COL22A1: variants seen among roughly 807,000 people sequenced by gnomAD.
The protein encoded by COL22A1 is collagen alpha-1(XXII) chain.
A neutral mutation model predicts 248.9 loss-of-function variants in COL22A1; 221 were observed. That is an observed-to-expected ratio of 0.89 (90% CI 0.80 to 0.99). The LOEUF is 0.99. Among genes scored for constraint, COL22A1 ranks in the 50% least tolerant of loss-of-function variants. COL22A1 has a pLI of 0.00. For synonymous variants in COL22A1, 891 were observed against 793.4 expected (o/e 1.12, Z -2.07); for missense variants, 2,240 against 2,179.0 (o/e 1.03, Z -0.56).
intron 23 of COL22A1, among the ~76,000 whole-genome samples, chr8:138,728,752 C>A (rs189719785): frequency 6.6e-6 from 1 of 152,236 alleles, no homozygotes; most frequent in Admixed American, 6.5e-5. Flanking sequence ...CAGCCATCAT[C>A]TCTGGCTGCT....
chr8:138,899,784 A>T (rs2132150162), intron 1 of COL22A1, among the ~76,000 whole-genome samples: 1 of 152,298 alleles, frequency 6.6e-6, no homozygotes, highest in Admixed American at 6.5e-5. Flanking sequence ...TCTGCCTCCC[A>T]AAATGCTAGG....
intron 26 of COL22A1, among the ~76,000 whole-genome samples, chr8:138,721,043 T>G (rs1438427954): frequency 6.6e-6 from 1 of 152,164 alleles, no homozygotes; most frequent in East Asian, 1.9e-4. Flanking sequence ...TCTCTCTTAT[T>G]GAGAGATTTA....
At chr8:138,896,843 A>G (rs1825450613) in intron 1 of COL22A1, among the ~76,000 whole-genome samples, 1 of 152,052 alleles carries the variant, frequency 6.6e-6, no homozygotes, top group Admixed American at 6.6e-5. Flanking sequence ...CGTGGTGGTG[A>G]GTGCCTGTAA....
At chr8:138,694,011 TCCTACCATAG>T (rs1286368512) in intron 34 of COL22A1, among the ~76,000 whole-genome samples, 1 of 152,016 alleles carries the variant, frequency 6.6e-6, no homozygotes, top group Non-Finnish European at 1.5e-5. Flanking sequence ...CAGCAGGATC[TCCTACCATAG>T]CACAGAGTCT....
chr8:138,816,161 A>T (rs1818673058), intron 7 of COL22A1, among the ~76,000 whole-genome samples: 1 of 152,206 alleles, frequency 6.6e-6, no homozygotes, highest in Non-Finnish European at 1.5e-5. Context: ...CCGCAGGGAC[A>T]GGGAAGGAGA....
At chr8:138,743,087 G>A (rs1388419195) in intron 22 of COL22A1, among the ~76,000 whole-genome samples, 5 of 150,454 alleles carry the variant, frequency 3.3e-5, no homozygotes, top group African/African-American at 1.2e-4. Context: ...GATGGTGATG[G>A]TGATGGTGGA....
chr8:138,748,599 A>C, intron 22 of COL22A1, among the ~76,000 whole-genome samples: 1 of 152,098 alleles, frequency 6.6e-6, no homozygotes, highest in East Asian at 1.9e-4. Context: ...TAAACACCAT[A>C]TCCTACCCCT....
chr8:138,720,217 G>A (rs1206865519), intron 27 of COL22A1, among the ~76,000 whole-genome samples: 4 of 152,118 alleles, frequency 2.6e-5, no homozygotes, highest in Non-Finnish European at 4.4e-5. Flanking sequence ...AAGCTGGCCC[G>A]AGAAGGCTGA....
At chr8:138,863,126 C>G (rs945459401) in intron 3 of COL22A1, among the ~76,000 whole-genome samples, 1 of 152,122 alleles carries the variant, frequency 6.6e-6, no homozygotes, top group Non-Finnish European at 1.5e-5. Context: ...CTCTGCTAGC[C>G]CAGACTTTTA....
chr8:138,784,215 T>C (rs1815296648), intron 12 of COL22A1, among the ~76,000 whole-genome samples: 1 of 152,212 alleles, frequency 6.6e-6, no homozygotes. Flanking sequence ...GGAGACATGC[T>C]CATTCCAGGA....
At chr8:138,899,062 C>A (rs901248789) in intron 1 of COL22A1, among the ~76,000 whole-genome samples, 28 of 152,212 alleles carry the variant, frequency 1.8e-4, no homozygotes, top group Admixed American at 3.9e-4. Context: ...GTGACTTGCT[C>A]ACATCAATCC....
intron 1 of COL22A1, among the ~76,000 whole-genome samples, chr8:138,906,483 T>A (rs1173209416): frequency 1.3e-5 from 2 of 152,170 alleles, no homozygotes; most frequent in South Asian, 2.1e-4. Flanking sequence ...CAGAGCAGTA[T>A]CATGTATCAG....
chr8:138,620,801 A>AGAGTC (rs1034066623), intron 52 of COL22A1, among the ~76,000 whole-genome samples: 1 of 152,248 alleles, frequency 6.6e-6, no homozygotes, highest in Non-Finnish European at 1.5e-5. Flanking sequence ...TTTTGGTTCC[A>AGAGTC]GAGTCTGCAC....
Position 138,693,629 on chromosome 8 carries a change from C to CG in COL22A1, c.2754+16dup. The CG allele has an allele frequency of 6.4e-7, 1 of 1,574,246 alleles. No individual in the cohort carries two copies. Reference sequence around the variant, plus strand: ...TCCGGGGCTCCCCCACGAGGCAGGCCGATCATAGGGACTCACGGGGTTTCC... The same window carrying CG: ...TCCGGGGCTCCCCCACGAGGCAGGCCGGATCATAGGGACTCACGGGGTTTCC... On this transcript the variant is annotated intron_variant, in intron 35 of 64. Coordinates refer to ENST00000303045, the MANE Select transcript of COL22A1 (RefSeq NM_152888.3).
At chr8:138,778,313 A>C in intron 15 of COL22A1, 40 bp downstream of exon 15, 1 of 1,610,132 alleles carries the variant, frequency 6.2e-7, no homozygotes, top group South Asian at 1.1e-5. Context: ...ATTCCTGGAG[A>C]AGGGGTAGAA....
At chr8:138,615,067 C>T (rs958144621) in intron 55 of COL22A1, among the ~76,000 whole-genome samples, 4 of 152,188 alleles carry the variant, frequency 2.6e-5, no homozygotes, top group African/African-American at 9.7e-5. Context: ...ACACGTCCAG[C>T]CACCCTGCAG....
chr8:138,898,765 G>A (rs1375547689), intron 1 of COL22A1, among the ~76,000 whole-genome samples: 1 of 152,058 alleles, frequency 6.6e-6, no homozygotes, highest in African/African-American at 2.4e-5. Context: ...CACACTGCAG[G>A]TCTGCCAATA....
chr8:138,879,176 G>A (rs76486895), intron 2 of COL22A1, among the ~76,000 whole-genome samples: 8,884 of 152,176 alleles, frequency 0.058, 309 homozygotes, highest in Middle Eastern at 0.078. Flanking sequence ...TACATACGCT[G>A]TTCTCCCTGC....
chr8:138,790,548 C>T (rs1185245172), intron 12 of COL22A1, among the ~76,000 whole-genome samples: 1 of 152,230 alleles, frequency 6.6e-6, no homozygotes, highest in Non-Finnish European at 1.5e-5. Flanking sequence ...TCCTCCCGCT[C>T]TGCAGTCCAA....
Sources: gnomAD v4.1 joint callset for allele counts (sites outside exome capture counted in the v4.1 genomes callset) on GRCh38, gnomAD v4.1.1 for gene constraint, MANE v1.5 for transcripts, NCBI Gene and HGNC (gene_info 2026-07-23, HGNC 2026-07-21) for gene names.